TIMD4: variants seen among roughly 807,000 people sequenced by gnomAD.
TIMD4 encodes T-cell immunoglobulin and mucin domain-containing protein 4.
Under a neutral mutation model 41.2 loss-of-function variants are expected in TIMD4, and 31 were observed. That is an observed-to-expected ratio of 0.75 (90% CI 0.57 to 1.01). TIMD4 has a LOEUF of 1.01. Ranked by LOEUF, TIMD4 falls within the 50% of genes least tolerant of loss-of-function variation. The probability of loss-of-function intolerance (pLI) is 0.00; values close to 1 mark genes in which losing one functional copy is unlikely to be tolerated. For synonymous variants in TIMD4, 204 were observed against 177.1 expected (o/e 1.15, Z -1.21); for missense variants, 479 against 472.5 (o/e 1.01, Z -0.13).
intron 2 of TIMD4, among the ~76,000 whole-genome samples, 166 bp from the exon 3 acceptor site, chr5:156,951,956 G>T (rs1353231177): frequency 2.0e-5 from 3 of 152,082 alleles, no homozygotes; most frequent in African/African-American, 7.2e-5. Flanking sequence ...ACCCTGACAT[G>T]TTCCTTCCAA....
intron 5 of TIMD4, among the ~76,000 whole-genome samples, chr5:156,940,677 C>T (rs1202817273): frequency 1.3e-5 from 2 of 151,878 alleles, no homozygotes; most frequent in African/African-American, 2.4e-5. Context: ...CGCCTCTGCC[C>T]GGCTGCCCCG....
rs750103707 is a variant in TIMD4 at position 156,951,757 on chromosome 5, G to A, written c.434C>T (p.Thr145Ile). The A allele has an allele frequency of 6.2e-7, 1 of 1,614,094 alleles. No individual in the cohort carries two copies. The highest frequency in any genetic ancestry group is 8.5e-7 in the Non-Finnish European group (1 of 1,180,024). ...STTTHRTATTTTRRTTTTSPT... is the reference protein window; with the variant it reads ...STTTHRTATTITRRTTTTSPT... ...GCTTGTTGTTGTTGTTCTGCGTGTG[G>A]TGGTGGTTGCTGTTCTGTGCGTGGT... Residue 145 changes from threonine to isoleucine, a missense_variant, in exon 3 of 9, where the codon ACC (threonine) becomes ATC (isoleucine). Physicochemically the swap from Thr to Ile is moderately conservative, Grantham distance 89. Coordinates refer to ENST00000274532, the MANE Select transcript of TIMD4 (RefSeq NM_138379.3).
At chr5:156,933,234 T>A (rs893979851) in intron 5 of TIMD4, among the ~76,000 whole-genome samples, 1 of 151,810 alleles carries the variant, frequency 6.6e-6, no homozygotes, top group African/African-American at 2.4e-5. Context: ...TTAAAAAGAC[T>A]GGGCAAGGGT....
chr5:156,954,524 C>T lies in TIMD4; in HGVS notation c.291G>A (p.Leu97=). 1.9e-6 allele frequency: 3 copies of T among 1,614,234 alleles called. No individual in the cohort carries two copies. The highest frequency in any genetic ancestry group is 2.5e-6 in the Non-Finnish European group (3 of 1,180,052). Residue 97 remains leucine, a synonymous_variant, in exon 2 of 9, where the codon TTG becomes TTA. Coordinates refer to ENST00000274532, the MANE Select transcript of TIMD4 (RefSeq NM_138379.3). Reference sequence around the variant, plus strand: ...CACTTTCACTGGGGTTTAAGATGGTCAAGGAGACATCACCTCTCGGGATAG... The same window carrying T: ...CACTTTCACTGGGGTTTAAGATGGTTAAGGAGACATCACCTCTCGGGATAG... The part of the protein sequence containing the change: ...QGTIPRGDVS[L]TILNPSESDS...
At chr5:156,949,530 AT>A in intron 4 of TIMD4, 120 bp downstream of exon 4, 1 of 815,940 alleles carries the variant, frequency 1.2e-6, no homozygotes, top group Non-Finnish European at 2.0e-6. Context: ...CCACAGGGGG[AT>A]TTTATGGCAC....
chr5:156,925,619 A>G (rs1361198092), intron 6 of TIMD4, among the ~76,000 whole-genome samples: 1 of 152,210 alleles, frequency 6.6e-6, no homozygotes, highest in Non-Finnish European at 1.5e-5. Flanking sequence ...CTCAGAAAAC[A>G]AGAGAAATAT....
chr5:156,920,479 G>A lies in TIMD4; in HGVS notation c.1037C>T (p.Ser346Leu), dbSNP rs757042260. Residue 346 changes from serine (S) to leucine (L), a missense_variant, in exon 8 of 9, where the codon TCG (serine) becomes TTG (leucine). By Grantham distance (145) the Ser-to-Leu change is moderately radical (BLOSUM62 -2). Transcript: ENST00000274532. ...LRGKLMETYC[S>L]QKHTRLDYIG... Reference sequence around the variant, plus strand: ...GATAGATTACCTTGTGTGTTTCTGCGAACAATAGGTTTCCATGAGTTTCCC... The same window carrying A: ...GATAGATTACCTTGTGTGTTTCTGCAAACAATAGGTTTCCATGAGTTTCCC... The A allele has an allele frequency of 1.1e-4, 176 of 1,613,832 alleles. 1 individual carries two copies. The highest frequency in any genetic ancestry group is 1.6e-4 in the Middle Eastern group (1 of 6,084).
At chr5:156,944,330 G>A (rs1422633912) in intron 5 of TIMD4, among the ~76,000 whole-genome samples, 1 of 152,102 alleles carries the variant, frequency 6.6e-6, no homozygotes, top group African/African-American at 2.4e-5. Flanking sequence ...AGAAAAATGT[G>A]TGTGCACACA....
chr5:156,927,123 G>A (rs1196727994), intron 5 of TIMD4, among the ~76,000 whole-genome samples: 1 of 152,242 alleles, frequency 6.6e-6, no homozygotes, highest in Non-Finnish European at 1.5e-5. Context: ...AGGGCAGGTA[G>A]AGGGAGAAGC....
chr5:156,960,889 A>T (rs1760068110), intron 1 of TIMD4, among the ~76,000 whole-genome samples: 1 of 152,246 alleles, frequency 6.6e-6, no homozygotes, highest in Non-Finnish European at 1.5e-5. Flanking sequence ...TCCAAGGAGG[A>T]TGCGAACTCA....
chr5:156,961,841 G>GAA (rs58076212), intron 1 of TIMD4, among the ~76,000 whole-genome samples: 1 of 79,542 alleles, frequency 1.3e-5, no homozygotes, highest in Non-Finnish European at 2.7e-5. Context: ...AAAAAAGAAA[G>GAA]AAAAAAAAAA....
rs373078014 is a variant in TIMD4 at position 156,951,247 on chromosome 5, C to T, written c.679+265G>A. On this transcript the variant is annotated intron_variant, in intron 3 of 8. Coordinates refer to ENST00000274532, the MANE Select transcript of TIMD4 (RefSeq NM_138379.3). ...AGGACAGGCAGAGGGAAGACAGCCA[C>T]CTGCAAGCCAAGGAGAGAGGACTTA... is the stretch of plus-strand genomic sequence containing the variant. Among the ~76,000 whole-genome samples, 3 of 152,284 alleles carry T rather than the reference C, an allele frequency of 2.0e-5. No individual in the cohort carries two copies. In the South Asian group the frequency reaches 6.2e-4, roughly 32 times the overall value.
At chr5:156,919,578 C>T in intron 8 of TIMD4, 37 bp from the exon 9 acceptor site, 1 of 1,562,280 alleles carries the variant, frequency 6.4e-7, no homozygotes, top group Non-Finnish European at 8.8e-7. Context: ...ATGGGAAACA[C>T]AAGACTAGAA....
At chr5:156,949,507 T>G (rs1250784552) in intron 4 of TIMD4, 144 bp downstream of exon 4, 2 of 671,410 alleles carry the variant, frequency 3.0e-6, no homozygotes, top group Non-Finnish European at 5.5e-6. Flanking sequence ...AAGGCTGCCT[T>G]GAGGCCAATT....
intron 3 of TIMD4, among the ~76,000 whole-genome samples, chr5:156,950,418 C>A (rs1041648123): frequency 6.6e-6 from 1 of 152,104 alleles, no homozygotes; most frequent in Non-Finnish European, 1.5e-5. Flanking sequence ...AAAATACATA[C>A]AAGAATTGAT....
chr5:156,921,688 C>A (rs1000186227), intron 7 of TIMD4, among the ~76,000 whole-genome samples: 14 of 137,040 alleles, frequency 1.0e-4, no homozygotes, highest in Non-Finnish European at 4.7e-5. Context: ...CGTCCTGCAA[C>A]AATCCTAGCC....
chr5:156,940,090 G>C (rs1161649271), intron 5 of TIMD4, among the ~76,000 whole-genome samples: 1 of 152,248 alleles, frequency 6.6e-6, no homozygotes, highest in Non-Finnish European at 1.5e-5. Flanking sequence ...CTGAGTGCCT[G>C]GGATTGCAGG....
In TIMD4 at chr5:156,924,326, T is replaced by G. The variant is rs1021594871; in HGVS notation, c.894+1937A>C. The G allele has an allele frequency of 1.3e-4, 46 of 348,536 alleles. No homozygotes were observed. The Admixed American group carries it at 1.7e-3, about 13-fold the overall frequency. 21.6% of individuals were successfully genotyped at this position (348,536 alleles called of 1,614,324 possible). A position where few individuals can be genotyped will look rare whatever the true frequency, so the allele number is the denominator to read the frequency against. The stretch of plus-strand genomic sequence containing the variant: ...AAAGCATCTCTCAGCTTTGACATTA[T>G]CAAGAGCTATATAAAAGTTGGTGTC... On this transcript the variant is annotated intron_variant, in intron 6 of 8. Transcript: ENST00000274532.
chr5:156,938,650 G>A (rs976172111), intron 5 of TIMD4, among the ~76,000 whole-genome samples: 1 of 152,096 alleles, frequency 6.6e-6, no homozygotes, highest in Non-Finnish European at 1.5e-5. Context: ...CCTATGCCAT[G>A]CCAGAATACA....
Sources: gnomAD v4.1 joint callset for allele counts (sites outside exome capture counted in the v4.1 genomes callset) on GRCh38, gnomAD v4.1.1 for gene constraint, MANE v1.5 for transcripts, NCBI Gene and HGNC (gene_info 2026-07-23, HGNC 2026-07-21) for gene names.